Variants in PKHD1L1 observed in about 807,000 individuals in gnomAD.
The protein encoded by PKHD1L1 is PKHD1 like 1.
A neutral mutation model predicts 462.9 loss-of-function variants in PKHD1L1; 434 were observed. The observed-to-expected ratio is 0.94, with a 90% CI of 0.87 to 1.02. PKHD1L1 has a LOEUF of 1.02. PKHD1L1 is among the 50% of genes least tolerant of loss of function. PKHD1L1 has a pLI of 0.00. For missense variants in PKHD1L1, 5,202 were observed against 5,096.1 expected (o/e 1.02, Z -0.63); for synonymous variants, 1,781 against 1,750.0 (o/e 1.02, Z -0.44).
At chr8:109,372,782 G>A (rs1034245626) in intron 2 of PKHD1L1, among the ~76,000 whole-genome samples, 1 of 151,982 alleles carries the variant, frequency 6.6e-6, no homozygotes, top group Admixed American at 6.6e-5. Context: ...TTTGTCTTTG[G>A]TTCTGTTTAT....
Position 109,534,852 on chromosome 8 carries a change from T to C in PKHD1L1, c.*4762T>C, listed in dbSNP as rs1013185218. Among the ~76,000 whole-genome samples, 8 of 152,060 alleles carry C rather than the reference T, an allele frequency of 5.3e-5. No individual in the cohort carries two copies. Among genetic ancestry groups the C allele is most frequent in the Non-Finnish European group, 8.8e-5 (6 of 68,002 alleles). ...CATCATTCTGAAATTAGAAAGATGG[T>C]CATGGAGAAACTGTTCTAAGAACGC... On this transcript the variant is annotated 3_prime_UTR_variant, in exon 78 of 78. Transcript: ENST00000378402.
Position 109,464,505 on chromosome 8 carries a change from C to G in PKHD1L1, c.7673C>G (p.Thr2558Ser). The part of the protein sequence containing the change: ...QSTSLLNDDV[T>S]PAAFWVTNPN... ...ACCAGTCTTCTGAATGATGATGTGA[C>G]CCCGGCTGCATTTTGGGTCACCAAC... The change falls in exon 49 of 78, where the codon ACC becomes AGC. Residue 2558 changes from threonine (T) to serine (S), a missense_variant. Coordinates refer to ENST00000378402, the MANE Select transcript of PKHD1L1 (RefSeq NM_177531.6). 6.2e-7 allele frequency: 1 copy of G among 1,613,766 alleles called. No individual in the cohort carries two copies. Among genetic ancestry groups the G allele is most frequent in the Non-Finnish European group, 8.5e-7 (1 of 1,179,788 alleles).
chr8:109,445,423 A>C lies in PKHD1L1; in HGVS notation c.5554A>C (p.Thr1852Pro). The C allele has an allele frequency of 2.5e-6, 4 of 1,614,008 alleles. No individual in the cohort carries two copies. Among genetic ancestry groups the C allele is most frequent in the Non-Finnish European group, 1.7e-6 (2 of 1,179,896 alleles). Residue 1852 changes from threonine to proline, a missense_variant, in exon 38 of 78, where the codon ACA (threonine) becomes CCA (proline). By Grantham distance (38) the Thr-to-Pro change is conservative. Around this residue, in one of 3 missense-constraint regions of PKHD1L1, gnomAD observed 4,497 missense variants for 4,336.8 expected, o/e 1.04. Transcript: ENST00000378402. The part of the protein sequence containing the change: ...SIGGGTTLVI[T>P]GNGFYPGNTT... ...TGGTGGTGGAACTACACTGGTGATCACAGGAAATGGCTTCTATCCAGGCAA... is the reference window on the plus strand; with the variant it reads ...TGGTGGTGGAACTACACTGGTGATCCCAGGAAATGGCTTCTATCCAGGCAA...
In PKHD1L1 at chr8:109,464,847, A is replaced by G; in HGVS notation, c.8015A>G (p.Asn2672Ser). The G allele has an allele frequency of 1.2e-6, 2 of 1,613,820 alleles. No individual in the cohort carries two copies. The highest frequency in any genetic ancestry group is 1.1e-5 in the South Asian group (1 of 91,082). Residue 2672 changes from asparagine to serine, a missense_variant, in exon 49 of 78, where the codon AAC (asparagine) becomes AGC (serine). This residue lies in a region of PKHD1L1 where 4,497 missense variants were observed against 4,336.8 expected (regional missense o/e 1.04). Transcript: ENST00000378402. Reference protein sequence around the residue: ...WVNGGALQFHNFVMVNNYEAG... With the variant: ...WVNGGALQFHSFVMVNNYEAG... ...AATGGAGGTGCCCTTCAGTTCCATA[A>G]CTTTGTGATGGTGAATAACTATGAG...
chr8:109,362,463 TC>T lies in PKHD1L1; in HGVS notation c.-114del, dbSNP rs1811026782. ...GCAGGCCACGGGAGGGCGGCCCAGT[TC>T]CCCAGCTCTCCCGGGACGAAGCGGG... On this transcript the variant is annotated 5_prime_UTR_variant, in exon 1 of 78. Coordinates refer to ENST00000378402, the MANE Select transcript of PKHD1L1 (RefSeq NM_177531.6). The T allele has an allele frequency of 1.9e-6, 2 of 1,034,490 alleles. No homozygotes were observed. Among genetic ancestry groups the T allele is most frequent in the Non-Finnish European group, 2.9e-6 (2 of 695,512 alleles). The allele number at this position is 1,034,490 out of a possible 1,614,324, so 64.1% of individuals were successfully genotyped here. A position where few individuals can be genotyped will look rare whatever the true frequency, so the allele number is the denominator to read the frequency against.
At chr8:109,452,090 A>T in intron 41 of PKHD1L1, 34 bp from the exon 42 acceptor site, 1 of 1,588,910 alleles carries the variant, frequency 6.3e-7, no homozygotes, top group Non-Finnish European at 8.6e-7. Context: ...ATTTGAGAAA[A>T]ACATACATGT....
intron 71 of PKHD1L1, among the ~76,000 whole-genome samples, chr8:109,511,787 T>A (rs1440744318): frequency 6.6e-6 from 1 of 152,150 alleles, no homozygotes; most frequent in Non-Finnish European, 1.5e-5. Context: ...TCCACAGGGG[T>A]TGAACTAGTT....
At chr8:109,425,327 T>G in intron 24 of PKHD1L1, 95 bp downstream of exon 24, 1 of 806,552 alleles carries the variant, frequency 1.2e-6, no homozygotes, top group Non-Finnish European at 1.7e-6. Flanking sequence ...GAATTACTAC[T>G]TATTGATACA....
intron 73 of PKHD1L1, among the ~76,000 whole-genome samples, chr8:109,521,425 C>A (rs960744538): frequency 6.6e-6 from 1 of 152,102 alleles, no homozygotes; most frequent in Non-Finnish European, 1.5e-5. Context: ...GTTTTAGTAA[C>A]CCTGCTGATG....
intron 63 of PKHD1L1, among the ~76,000 whole-genome samples, chr8:109,496,067 T>C (rs920053630): frequency 6.6e-6 from 1 of 152,168 alleles, no homozygotes; most frequent in Non-Finnish European, 1.5e-5. Context: ...GAAACTAAGT[T>C]CCTAAAAGGT....
chr8:109,425,281 AT>A (rs772029670), intron 24 of PKHD1L1, 49 bp downstream of exon 24: 1 of 1,398,322 alleles, frequency 7.2e-7, no homozygotes, highest in Non-Finnish European at 9.4e-7. Flanking sequence ...ACACATATGT[AT>A]AACCTTATAA....
At chr8:109,434,947 G>T (rs1210650804) in intron 28 of PKHD1L1, among the ~76,000 whole-genome samples, 1 of 151,990 alleles carries the variant, frequency 6.6e-6, no homozygotes, top group Non-Finnish European at 1.5e-5. Context: ...GAAGCAGATT[G>T]ATTACTTTGC....
At chr8:109,512,143 G>C (rs1400724312) in intron 71 of PKHD1L1, among the ~76,000 whole-genome samples, 1 of 151,974 alleles carries the variant, frequency 6.6e-6, no homozygotes, top group Non-Finnish European at 1.5e-5. Flanking sequence ...CATTTTGTAG[G>C]TTGCCTGTTC....
At chr8:109,436,251 A>G (rs1815399916) in intron 29 of PKHD1L1, 87 bp from the exon 30 acceptor site, 1 of 1,395,626 alleles carries the variant, frequency 7.2e-7, no homozygotes, top group Admixed American at 2.0e-5. Flanking sequence ...TATTCTCAAA[A>G]GACAATTCTC....
At position 109,452,883 on chromosome 8, in the gene PKHD1L1, C is replaced by A; in HGVS notation, c.6664+9C>A. 7.2e-7 allele frequency: 1 copy of A among 1,395,530 alleles called. No individual in the cohort carries two copies. The highest frequency in any genetic ancestry group is 9.4e-7 in the Non-Finnish European group (1 of 1,064,206). The allele number at this position is 1,395,530 out of a possible 1,614,324, so 86.4% of individuals were successfully genotyped here. On this transcript the variant is annotated intron_variant, in intron 43 of 77. Coordinates refer to ENST00000378402, the MANE Select transcript of PKHD1L1 (RefSeq NM_177531.6). ...AATGTTGCTTATTCAGGGTAAATTT[C>A]TGAATATCTGTTCATTGGACTCTGC...
chr8:109,395,638 C>G (rs967972816), intron 10 of PKHD1L1, among the ~76,000 whole-genome samples: 3 of 152,128 alleles, frequency 2.0e-5, no homozygotes. Flanking sequence ...AAATGTGTTA[C>G]TCTAAAAGAA....
intron 6 of PKHD1L1, 130 bp downstream of exon 6, chr8:109,385,760 C>A: frequency 5.6e-6 from 3 of 531,690 alleles, no homozygotes; most frequent in Admixed American, 4.1e-5. Context: ...TTTTTTCAGC[C>A]ATATTATAGA....
In PKHD1L1 at chr8:109,498,569, A is replaced by G; in HGVS notation, c.10707A>G (p.Pro3569=). 4.3e-6 allele frequency: 7 copies of G among 1,611,676 alleles called. No individual in the cohort carries two copies. The highest frequency in any genetic ancestry group is 5.9e-6 in the Non-Finnish European group (7 of 1,177,744). ...LTAAHRSPRS[P]SGGRSGICWP... ...CTGCTCATCGGAGTCCTAGATCTCC[A>G]TCAGGTGAAAAATTTGAAACTTTAA... Residue 3569 remains proline, a synonymous_variant, in exon 66 of 78, where the codon CCA becomes CCG. Coordinates refer to ENST00000378402, the MANE Select transcript of PKHD1L1 (RefSeq NM_177531.6).
chr8:109,402,722 G>C (rs912758402), intron 14 of PKHD1L1, among the ~76,000 whole-genome samples: 1 of 152,070 alleles, frequency 6.6e-6, no homozygotes, highest in Non-Finnish European at 1.5e-5. Context: ...TTTCTTTTAA[G>C]TTTACCACAT....
Sources: allele counts gnomAD v4.1 joint callset (sites outside exome capture counted in the v4.1 genomes callset), GRCh38; gene constraint gnomAD v4.1.1; regional missense constraint gnomAD v4.1.1; transcripts MANE v1.5; gene names NCBI Gene and HGNC (gene_info 2026-07-23, HGNC 2026-07-21).